DDA1: variants seen among roughly 807,000 people sequenced by gnomAD.
The protein encoded by DDA1 is DET1- and DDB1-associated protein 1.
DDA1 carries 3 observed loss-of-function variants against 18.6 expected under a neutral mutation model. The ratio of observed to expected loss-of-function variants is 0.16; its 90% CI spans 0.07 to 0.42. The LOEUF (loss-of-function observed/expected upper bound fraction) is 0.42. Ranked by LOEUF, DDA1 falls within the 10% of genes least tolerant of loss-of-function variation. The pLI, the probability that DDA1 is intolerant of heterozygous loss-of-function variation, is 0.99. For synonymous variants in DDA1, 52 were observed against 54.0 expected, an observed-to-expected ratio of 0.96 and a Z score of 0.17; for missense variants, 105 against 138.2, an observed-to-expected ratio of 0.76 and a Z score of 1.20.
In DDA1 at chr19:17,319,765, A is replaced by C; in HGVS notation, c.*109A>C. 1.2e-6 allele frequency: 1 copy of C among 869,532 alleles called. No homozygotes were observed. Among genetic ancestry groups the C allele is most frequent in the Non-Finnish European group, 1.8e-6 (1 of 566,122 alleles). 53.9% of individuals were successfully genotyped at this position (869,532 alleles called of 1,614,324 possible). A position where few individuals can be genotyped will look rare whatever the true frequency, so the allele number is the denominator to read the frequency against. On this transcript the variant is annotated 3_prime_UTR_variant, in exon 5 of 5. Coordinates refer to ENST00000359866, the MANE Select transcript of DDA1 (RefSeq NM_024050.6). ...CGCCCGCCTCCCTGCCGGCCCATCCACACCCTGCGTCCACACCACTTCCAA... is the reference window on the plus strand; with the variant it reads ...CGCCCGCCTCCCTGCCGGCCCATCCCCACCCTGCGTCCACACCACTTCCAA...
Position 17,320,725 on chromosome 19 carries a change from A to G in DDA1, c.*1069A>G. 6.6e-6 allele frequency: 1 copy of G among 152,434 alleles called. No homozygotes were observed. Among genetic ancestry groups the G allele is most frequent in the East Asian group, 1.9e-4 (1 of 5,172 alleles). 9.4% of individuals were successfully genotyped at this position (152,434 alleles called of 1,614,324 possible). ...TCTTGCTGTCCTAGGTGGTGGCCTC[A>G]CCCTTGCTGGGTCATAGAGGAGCTG... On this transcript the variant is annotated 3_prime_UTR_variant, in exon 5 of 5. Coordinates refer to ENST00000359866, the MANE Select transcript of DDA1 (RefSeq NM_024050.6).
chr19:17,313,032 A>G (rs953607111), intron 1 of DDA1, among the ~76,000 whole-genome samples: 5 of 152,046 alleles, frequency 3.3e-5, no homozygotes, highest in South Asian at 2.1e-4. Flanking sequence ...CCTGTCCCAG[A>G]GGGTGGTGGG....
At chr19:17,313,903 TG>T in intron 1 of DDA1, 119 bp from the exon 2 acceptor site, 1 of 804,626 alleles carries the variant, frequency 1.2e-6, no homozygotes. Flanking sequence ...GGGTGTGTTC[TG>T]GAAAACTTGA....
At chr19:17,318,265 C>T (rs1334769532) in intron 4 of DDA1, among the ~76,000 whole-genome samples, 1 of 151,812 alleles carries the variant, frequency 6.6e-6, no homozygotes, top group African/African-American at 2.4e-5. Flanking sequence ...GAGGTTTGCT[C>T]TTGTTGCCCA....
At chr19:17,318,023 T>C (rs549377906) in intron 4 of DDA1, among the ~76,000 whole-genome samples, 5 of 152,118 alleles carry the variant, frequency 3.3e-5, no homozygotes, top group Admixed American at 1.3e-4. Flanking sequence ...TCCCCTTTTT[T>C]TCCCCCTTTT....
At chr19:17,311,925 C>T (rs182366811) in intron 1 of DDA1, among the ~76,000 whole-genome samples, 17 of 152,216 alleles carry the variant, frequency 1.1e-4, no homozygotes, top group African/African-American at 2.9e-4. Flanking sequence ...CCCCATGTCT[C>T]GAGGCCTTGT....
At position 17,314,180 on chromosome 19, in the gene DDA1, G is replaced by C; in HGVS notation, c.84+77G>C. 2 of 1,575,782 alleles carry C rather than the reference G, an allele frequency of 1.3e-6. No individual in the cohort carries two copies. The highest frequency in any genetic ancestry group is 8.7e-7 in the Non-Finnish European group (1 of 1,146,650). ...GGGGGCAGCTTGTGTCCCCCGATTG[G>C]GGTCTTGGCTGGAACAGAGGCTGAT... On this transcript the variant is annotated intron_variant, in intron 2 of 4. Transcript: ENST00000359866. The surrounding 1 kb of genome is among the most constrained non-coding windows in gnomAD (Gnocchi z 4.6).
At chr19:17,318,707 G>A (rs1437824212) in intron 4 of DDA1, among the ~76,000 whole-genome samples, 1 of 149,696 alleles carries the variant, frequency 6.7e-6, no homozygotes. Flanking sequence ...TGTTGCCCAG[G>A]CTGGAGTGAG....
chr19:17,317,669 A>G (rs927282150), intron 4 of DDA1, among the ~76,000 whole-genome samples: 3 of 55,502 alleles, frequency 5.4e-5, no homozygotes, highest in Non-Finnish European at 1.2e-4. Context: ...CTCCATCACT[A>G]AAAAAAAAAA....
At position 17,314,032 on chromosome 19, in the gene DDA1, T is replaced by C; in HGVS notation, c.13T>C (p.Leu5=). MADF[L]KGLPVYNKSN... is the part of the protein sequence containing the mutation. ...CTTCCATGTCTTCTAGGCAGATTTT[T>C]TGAAAGGACTGCCTGTCTACAACAA... The change falls in exon 2 of 5, where the codon TTG becomes CTG. Residue 5 remains leucine, a synonymous_variant. Coordinates refer to ENST00000359866, the MANE Select transcript of DDA1 (RefSeq NM_024050.6). This position sits in a 1 kb window ranked among gnomAD's most constrained non-coding sequence, Gnocchi z 4.6. The C allele has an allele frequency of 6.2e-7, 1 of 1,614,108 alleles. No homozygotes were observed.
Position 17,314,325 on chromosome 19 carries a change from A to T in DDA1, c.85-13A>T. 1.2e-6 allele frequency: 2 copies of T among 1,614,150 alleles called. No homozygotes were observed. Among genetic ancestry groups the T allele is most frequent in the Non-Finnish European group, 1.7e-6 (2 of 1,180,010 alleles). On this transcript the variant is annotated splice_polypyrimidine_tract_variant and intron_variant, in intron 2 of 4. Transcript: ENST00000359866. This position sits in a 1 kb window ranked among gnomAD's most constrained non-coding sequence, Gnocchi z 4.6. Reference sequence around the variant, plus strand: ...GCACTCTCCTAACCCACCCCTTCTCAACCCTCCTGCAGAACCGACGGCCCT... The same window carrying T: ...GCACTCTCCTAACCCACCCCTTCTCTACCCTCCTGCAGAACCGACGGCCCT...
chr19:17,315,151 GTA>G lies in DDA1; in HGVS notation c.136+769_136+770del, dbSNP rs1309786089. 6.6e-4 allele frequency among the ~76,000 whole-genome samples: 35 copies of G among 52,654 alleles called. 3 individuals are homozygous for G. Among genetic ancestry groups the G allele is most frequent in the African/African-American group, 4.2e-3 (30 of 7,196 alleles). 34.5% of individuals were successfully genotyped at this position (52,654 alleles called of 152,430 possible). A position where few individuals can be genotyped will look rare whatever the true frequency, so the allele number is the denominator to read the frequency against. On this transcript the variant is annotated intron_variant, in intron 3 of 4. Transcript: ENST00000359866. ...TATACACACATATATATACACACAC[GTA>G]TATATACACACGTGTATATACACAC... is the stretch of plus-strand genomic sequence containing the variant.
chr19:17,317,209 C>G (rs2074217498), intron 4 of DDA1, among the ~76,000 whole-genome samples: 2 of 148,018 alleles, frequency 1.4e-5, no homozygotes, highest in South Asian at 2.1e-4. Flanking sequence ...TGGGCGGTCT[C>G]AAGAAAAAAA....
At position 17,319,050 on chromosome 19, in the gene DDA1, G is replaced by A. The variant is rs2074227225; in HGVS notation, c.199-496G>A. 2.0e-5 allele frequency among the ~76,000 whole-genome samples: 3 copies of A among 152,280 alleles called. No individual in the cohort carries two copies. The South Asian group carries it at 6.2e-4, about 32-fold the overall frequency. ...TGCGTTGATGTGCGGCATCCCCAGTGGCTTCCAAAGGCCCTTTATTCCCAG... is the reference window on the plus strand; with the variant it reads ...TGCGTTGATGTGCGGCATCCCCAGTAGCTTCCAAAGGCCCTTTATTCCCAG... On this transcript the variant is annotated intron_variant, in intron 4 of 4. Coordinates refer to ENST00000359866, the MANE Select transcript of DDA1 (RefSeq NM_024050.6).
At position 17,315,121 on chromosome 19, in the gene DDA1, GTATATATACACACA is replaced by G. The variant is rs1345536633; in HGVS notation, c.136+747_136+760del. 3.5e-3 allele frequency among the ~76,000 whole-genome samples: 290 copies of G among 82,340 alleles called. 27 individuals are homozygous for G. The highest frequency in any genetic ancestry group is 9.5e-3 in the East Asian group (41 of 4,318). 54.0% of individuals were successfully genotyped at this position (82,340 alleles called of 152,430 possible). ...TATACACACATATATATACACACAC[GTATATATACACACA>G]TATATATACACACACGTATATATAC... On this transcript the variant is annotated intron_variant, in intron 3 of 4. Transcript: ENST00000359866.
At chr19:17,317,252 G>T (rs2074218156) in intron 4 of DDA1, among the ~76,000 whole-genome samples, 1 of 152,034 alleles carries the variant, frequency 6.6e-6, no homozygotes, top group Admixed American at 6.6e-5. Flanking sequence ...GCTCATGCCT[G>T]TAATCTCAGG....
At chr19:17,312,560 TC>T (rs1372389913) in intron 1 of DDA1, among the ~76,000 whole-genome samples, 6 of 152,044 alleles carry the variant, frequency 3.9e-5, no homozygotes, top group Non-Finnish European at 8.8e-5. Context: ...TCCTCACCCT[TC>T]AGGTCTCAGT....
At chr19:17,315,429 C>CATATATATAT (rs56662339) in intron 3 of DDA1, among the ~76,000 whole-genome samples, 3,003 of 51,954 alleles carry the variant, frequency 0.058, 193 homozygotes, top group African/African-American at 0.089. Flanking sequence ...TGTGTGTGTG[C>CATATATATAT]ATATATATAT....
Position 17,320,719 on chromosome 19 carries a change from G to A in DDA1, c.*1063G>A, listed in dbSNP as rs2145679591. 6.6e-6 allele frequency: 1 copy of A among 152,558 alleles called. No individual in the cohort carries two copies. The highest frequency in any genetic ancestry group is 2.4e-5 in the African/African-American group (1 of 41,592). The allele number at this position is 152,558 out of a possible 1,614,324, so 9.5% of individuals were successfully genotyped here. A position where few individuals can be genotyped will look rare whatever the true frequency, so the allele number is the denominator to read the frequency against. ...GGCCGGTCTTGCTGTCCTAGGTGGTGGCCTCACCCTTGCTGGGTCATAGAG... is the reference window on the plus strand; with the variant it reads ...GGCCGGTCTTGCTGTCCTAGGTGGTAGCCTCACCCTTGCTGGGTCATAGAG... On this transcript the variant is annotated 3_prime_UTR_variant, in exon 5 of 5. Transcript: ENST00000359866.
Sources: allele counts gnomAD v4.1 joint callset (sites outside exome capture counted in the v4.1 genomes callset), GRCh38; gene constraint gnomAD v4.1.1; non-coding constraint Gnocchi (gnomAD v3.1); transcripts MANE v1.5; gene names NCBI Gene and HGNC (gene_info 2026-07-23, HGNC 2026-07-21).